Variants in ITPR3 observed in about 807,000 individuals in gnomAD.
The protein encoded by ITPR3 is inositol 1,4,5-trisphosphate-gated calcium channel ITPR3.
In ITPR3, 173 loss-of-function variants were observed where a neutral mutation model predicts 293.2. The observed-to-expected ratio is 0.59, with a 90% CI of 0.52 to 0.67. The LOEUF (loss-of-function observed/expected upper bound fraction) is 0.67, where lower values mean the gene tolerates loss of function less well. Among genes scored for constraint, ITPR3 ranks in the 30% least tolerant of loss-of-function variants. ITPR3 has a pLI of 0.00. For missense variants in ITPR3, 2,796 were observed against 3,592.1 expected, an observed-to-expected ratio of 0.78 and a Z score of 5.66; for synonymous variants, 1,295 against 1,444.4, an observed-to-expected ratio of 0.90 and a Z score of 2.35.
rs1764713479 is a variant in ITPR3 at position 33,670,012 on chromosome 6, C to T, written c.2190-313C>T. ...TCCTCCCTCTCCCATCTTGCCCTCACCCTCCCTGGCCAAGGCTGGCTCTTC... is the reference window on the plus strand; with the variant it reads ...TCCTCCCTCTCCCATCTTGCCCTCATCCTCCCTGGCCAAGGCTGGCTCTTC... On this transcript the variant is annotated intron_variant, in intron 18 of 57. Transcript: ENST00000605930. The surrounding 1 kb of genome is among the most constrained non-coding windows in gnomAD (Gnocchi z 6.7). Among the ~76,000 whole-genome samples, 1 of 152,020 alleles carries T rather than the reference C, an allele frequency of 6.6e-6. No homozygotes were observed. The highest frequency in any genetic ancestry group is 1.5e-5 in the Non-Finnish European group (1 of 67,980).
chr6:33,688,324 G>A lies in ITPR3; in HGVS notation c.6461G>A (p.Arg2154Gln), dbSNP rs756358608. ...TTCCTGACGGAGGAAACCAAGCACCGGCTCTTCACCACTACTGAGCAGGAC... is the reference window on the plus strand; with the variant it reads ...TTCCTGACGGAGGAAACCAAGCACCAGCTCTTCACCACTACTGAGCAGGAC... ...CQFLTEETKH[R>Q]LFTTTEQDEQ... The change falls in exon 48 of 58, where the codon CGG becomes CAG. Residue 2154 changes from arginine (R) to glutamine (Q), a missense_variant. This residue lies in a region of ITPR3 where 568 missense variants were observed against 796.1 expected (regional missense o/e 0.71). Transcript: ENST00000605930. 2.5e-6 allele frequency: 4 copies of A among 1,613,992 alleles called. No individual in the cohort carries two copies. Among genetic ancestry groups the A allele is most frequent in the African/African-American group, 1.3e-5 (1 of 74,910 alleles).
At chr6:33,640,685 T>C in intron 2 of ITPR3, 131 bp downstream of exon 2, 1 of 701,988 alleles carries the variant, frequency 1.4e-6, no homozygotes, top group Middle Eastern at 3.6e-4. Flanking sequence ...GACCTCACTC[T>C]GCTGTCGGCG....
At position 33,684,986 on chromosome 6, in the gene ITPR3, C is replaced by T. The variant is rs904304306; in HGVS notation, c.5307+43C>T. 2 of 1,565,788 alleles carry T rather than the reference C, an allele frequency of 1.3e-6. No individual in the cohort carries two copies. Among genetic ancestry groups the T allele is most frequent in the Admixed American group, 1.8e-5 (1 of 56,188 alleles). The stretch of plus-strand genomic sequence containing the variant: ...CCTGGACATGCCCTCCTTTGCCTCC[C>T]TCCCTTTTTGGAGGAGGTGGGCCTT... On this transcript the variant is annotated intron_variant, in intron 39 of 57. Transcript: ENST00000605930. This position sits in a 1 kb window ranked among gnomAD's most constrained non-coding sequence, Gnocchi z 4.2.
chr6:33,621,559 C>T lies in ITPR3; in HGVS notation c.-44C>T, dbSNP rs566555760. 2 of 1,472,440 alleles carry T rather than the reference C, an allele frequency of 1.4e-6. No individual in the cohort carries two copies. Among genetic ancestry groups the T allele is most frequent in the African/African-American group, 2.8e-5 (2 of 71,838 alleles). The allele number at this position is 1,472,440 out of a possible 1,614,324, so 91.2% of individuals were successfully genotyped here. On this transcript the variant is annotated 5_prime_UTR_variant, in exon 1 of 58. Transcript: ENST00000605930. This position sits in a 1 kb window ranked among gnomAD's most constrained non-coding sequence, Gnocchi z 7.7. ...CCTCCGCACTGAGCTTGGCCACGCG[C>T]CCCTAGGCGCCCCCCACGCCCTGGG...
intron 13 of ITPR3, 30 bp downstream of exon 13, chr6:33,665,243 A>C: frequency 6.2e-7 from 1 of 1,603,772 alleles, no homozygotes; most frequent in Middle Eastern, 1.7e-4. Context: ...GGGTTTTCTG[A>C]GTGATCTTGC....
At chr6:33,644,402 C>T (rs917734954) in intron 2 of ITPR3, among the ~76,000 whole-genome samples, 2 of 151,610 alleles carry the variant, frequency 1.3e-5, no homozygotes, top group East Asian at 2.0e-4. Flanking sequence ...GGATTACAGG[C>T]GTGAGCCACT....
At position 33,671,317 on chromosome 6, in the gene ITPR3, T is replaced by C; in HGVS notation, c.2728+11T>C. On this transcript the variant is annotated intron_variant, in intron 21 of 57. Transcript: ENST00000605930. ...ATGAGGACCCCGGTGGTGAGGCCTT[T>C]GCCCGGCTCGGGCCACCCTGGTGGT... is the stretch of plus-strand genomic sequence containing the variant. 6.2e-7 allele frequency: 1 copy of C among 1,604,606 alleles called. No individual in the cohort carries two copies. The highest frequency in any genetic ancestry group is 8.5e-7 in the Non-Finnish European group (1 of 1,175,008).
intron 1 of ITPR3, among the ~76,000 whole-genome samples, chr6:33,631,206 T>C (rs1417989093): frequency 1.3e-5 from 2 of 152,054 alleles, no homozygotes; most frequent in Non-Finnish European, 2.9e-5. Context: ...TGTGCGGAGA[T>C]GAGAGATTGT....
chr6:33,642,488 G>T (rs888667861), intron 2 of ITPR3, among the ~76,000 whole-genome samples: 3 of 152,152 alleles, frequency 2.0e-5, no homozygotes, highest in Admixed American at 6.5e-5. Context: ...GTGTGTCGAG[G>T]TGTGTGTGGG....
intron 2 of ITPR3, among the ~76,000 whole-genome samples, chr6:33,650,702 C>CT (rs909906477): frequency 5.9e-5 from 9 of 151,556 alleles, no homozygotes; most frequent in African/African-American, 1.7e-4. Flanking sequence ...GTTATTGAAG[C>CT]TTTTTTTATT....
At chr6:33,663,426 C>A (rs949793108) in intron 9 of ITPR3, 74 bp from the exon 10 acceptor site, 5 of 1,450,176 alleles carry the variant, frequency 3.4e-6, no homozygotes, top group Admixed American at 3.9e-5. Flanking sequence ...ATGTAGGTGA[C>A]CATGTTTTGC....
intron 2 of ITPR3, among the ~76,000 whole-genome samples, chr6:33,643,218 G>T (rs914037980): frequency 2.0e-5 from 3 of 152,182 alleles, no homozygotes; most frequent in Non-Finnish European, 2.9e-5. Context: ...ACTCCCAGAA[G>T]TTCTGCCCCC....
rs1764743127 is a variant in ITPR3, at chr6:33,670,906, G to A, written c.2586+91G>A. 1 of 1,496,110 alleles carries A rather than the reference G, an allele frequency of 6.7e-7. No individual in the cohort carries two copies. Among genetic ancestry groups the A allele is most frequent in the Non-Finnish European group, 9.1e-7 (1 of 1,104,262 alleles). 92.7% of individuals were successfully genotyped at this position (1,496,110 alleles called of 1,614,324 possible). A position where few individuals can be genotyped will look rare whatever the true frequency, so the allele number is the denominator to read the frequency against. ...GTCTTCACCCAGGAGTCGGCTGTGG[G>A]ATCCATGACCCCACTTCCTTCTGTG... On this transcript the variant is annotated intron_variant, in intron 20 of 57. Transcript: ENST00000605930. The surrounding 1 kb of genome is among the most constrained non-coding windows in gnomAD (Gnocchi z 6.7).
At chr6:33,631,273 C>T (rs1763672625) in intron 1 of ITPR3, among the ~76,000 whole-genome samples, 1 of 152,174 alleles carries the variant, frequency 6.6e-6, no homozygotes, top group Non-Finnish European at 1.5e-5. Flanking sequence ...CCGGGGTGAC[C>T]ACTACCATCA....
rs1449726556 is a variant in ITPR3, at chr6:33,670,618, G to T, written c.2441+42G>T. On this transcript the variant is annotated intron_variant, in intron 19 of 57. Coordinates refer to ENST00000605930, the MANE Select transcript of ITPR3 (RefSeq NM_002224.4). The surrounding 1 kb of genome is among the most constrained non-coding windows in gnomAD (Gnocchi z 6.7). ...CAGGGTGGGCGGGGCAGGGGCAGAG[G>T]CTGGAGTGGGTGTATCTCGGGGACC... 1.2e-6 allele frequency: 2 copies of T among 1,612,680 alleles called. No homozygotes were observed. The highest frequency in any genetic ancestry group is 2.2e-5 in the East Asian group (1 of 44,868).
intron 10 of ITPR3, 42 bp downstream of exon 10, chr6:33,663,592 C>T (rs372247166): frequency 1.2e-6 from 2 of 1,601,986 alleles, no homozygotes; most frequent in Admixed American, 1.7e-5. Flanking sequence ...ATGGGCCTGC[C>T]CTGGGGGTAG....
In ITPR3 at chr6:33,677,529, G is replaced by A. The variant is rs1764940179; in HGVS notation, c.3548G>A (p.Cys1183Tyr). ...KGILERLNKMCGVGEQMRKKQ... is the reference protein window; with the variant it reads ...KGILERLNKMYGVGEQMRKKQ... Reference sequence around the variant, plus strand: ...ATCCTGGAAAGGCTGAACAAGATGTGCGGGGTTGGGGAGCAAATGAGGAAG... The same window carrying A: ...ATCCTGGAAAGGCTGAACAAGATGTACGGGGTTGGGGAGCAAATGAGGAAG... The change falls in exon 28 of 58, where the codon TGC becomes TAC. Residue 1183 changes from cysteine to tyrosine, a missense_variant. Physicochemically the swap from Cys to Tyr is radical, Grantham distance 194 (BLOSUM62 -2). Transcript: ENST00000605930. 6.2e-7 allele frequency: 1 copy of A among 1,613,854 alleles called. No homozygotes were observed.
intron 3 of ITPR3, among the ~76,000 whole-genome samples, chr6:33,656,943 G>C (rs1764322154): frequency 6.6e-6 from 1 of 152,220 alleles, no homozygotes; most frequent in Non-Finnish European, 1.5e-5. Context: ...TAATACCTCA[G>C]CTCTCTTCCT....
intron 1 of ITPR3, among the ~76,000 whole-genome samples, chr6:33,637,692 G>A (rs1763855360): frequency 6.6e-6 from 1 of 151,328 alleles, no homozygotes; most frequent in Non-Finnish European, 1.5e-5. Context: ...GCAGTGACTC[G>A]ATCTCGGCTC....
Sources: allele counts gnomAD v4.1 joint callset (sites outside exome capture counted in the v4.1 genomes callset), GRCh38; gene constraint gnomAD v4.1.1; regional missense constraint gnomAD v4.1.1; non-coding constraint Gnocchi (gnomAD v3.1); transcripts MANE v1.5; gene names NCBI Gene and HGNC (gene_info 2026-07-23, HGNC 2026-07-21).